The following PLXNA4 variants were observed in gnomAD, a reference collection of about 807,000 sequenced individuals.
PLXNA4 encodes the protein plexin-A4.
In PLXNA4, 44 loss-of-function variants were observed where a neutral mutation model predicts 191.8. That is an observed-to-expected ratio of 0.23 (90% CI 0.18 to 0.29). The LOEUF (loss-of-function observed/expected upper bound fraction) is 0.29, where lower values mean the gene tolerates loss of function less well. PLXNA4 is among the 10% of genes least tolerant of loss of function. The pLI, the probability that PLXNA4 is intolerant of heterozygous loss-of-function variation, is 1.00. For missense variants in PLXNA4, 1,800 were observed against 2,488.8 expected, an observed-to-expected ratio of 0.72 and a Z score of 5.89; for synonymous variants, 1,082 against 1,009.5, an observed-to-expected ratio of 1.07 and a Z score of -1.36.
At chr7:132,618,615 C>T (rs1358902936) in intron 2 of PLXNA4, among the ~76,000 whole-genome samples, 1 of 152,302 alleles carries the variant, frequency 6.6e-6, no homozygotes, top group Middle Eastern at 3.4e-3. Flanking sequence ...AGGCCAGGCT[C>T]ATTCAGGCCA....
intron 3 of PLXNA4, among the ~76,000 whole-genome samples, chr7:132,339,371 A>C (rs1284625054): frequency 6.6e-6 from 1 of 152,198 alleles, no homozygotes; most frequent in Non-Finnish European, 1.5e-5. Context: ...GACTACATGA[A>C]AGTTTATCTC....
At chr7:132,458,106 C>T (rs572406351) in intron 3 of PLXNA4, among the ~76,000 whole-genome samples, 14 of 152,166 alleles carry the variant, frequency 9.2e-5, no homozygotes, top group East Asian at 5.8e-4. Context: ...ACTCATTGGG[C>T]GAATATACCC....
At chr7:132,446,298 T>A (rs1795910105) in intron 3 of PLXNA4, among the ~76,000 whole-genome samples, 1 of 152,204 alleles carries the variant, frequency 6.6e-6, no homozygotes, top group South Asian at 2.1e-4. Flanking sequence ...TTATACTTCT[T>A]TTTGTCACCT....
intron 31 of PLXNA4, among the ~76,000 whole-genome samples, chr7:132,131,081 T>A (rs1035170053): frequency 2.0e-5 from 3 of 152,190 alleles, no homozygotes; most frequent in Non-Finnish European, 4.4e-5. Context: ...TCATTTGTTT[T>A]CACTTTGCCT....
intron 4 of PLXNA4, among the ~76,000 whole-genome samples, chr7:132,253,723 C>T (rs575175229): frequency 3.5e-4 from 53 of 152,198 alleles, no homozygotes; most frequent in Non-Finnish European, 7.4e-4. Flanking sequence ...GTGGGAAAGT[C>T]ATTGTTTGGC....
rs1026138457 is a variant in PLXNA4, at chr7:132,516,667, C to T, written c.-86-7888G>A. The stretch of plus-strand genomic sequence containing the variant: ...GATAGATACATTCCAGAGCAAAAAA[C>T]AGTGTCCCTGCCAGGAGTGGTGACT... On this transcript the variant is annotated intron_variant, in intron 1 of 31. Coordinates refer to ENST00000321063, the MANE Select transcript of PLXNA4 (RefSeq NM_020911.2). 5.3e-4 allele frequency among the ~76,000 whole-genome samples: 80 copies of T among 152,156 alleles called. 1 individual carries two copies. The highest frequency in any genetic ancestry group is 1.8e-3 in the African/African-American group (76 of 41,442).
intron 3 of PLXNA4, among the ~76,000 whole-genome samples, chr7:132,479,910 G>C (rs963742643): frequency 6.6e-6 from 1 of 152,030 alleles, no homozygotes; most frequent in Admixed American, 6.6e-5. Context: ...CACCCTCCTC[G>C]GCCTCCCAAA....
chr7:132,152,043 G>A (rs528130497), intron 25 of PLXNA4, among the ~76,000 whole-genome samples: 1 of 152,128 alleles, frequency 6.6e-6, no homozygotes, highest in South Asian at 2.1e-4. Context: ...TTTTCCCTAG[G>A]CTCATCACGG....
intron 25 of PLXNA4, among the ~76,000 whole-genome samples, chr7:132,153,911 C>T (rs1179891697): frequency 6.6e-6 from 1 of 152,160 alleles, no homozygotes; most frequent in Admixed American, 6.5e-5. Context: ...TTCCAGTCTT[C>T]CTATCATCAT....
At chr7:132,152,504 T>C (rs180999316) in intron 25 of PLXNA4, among the ~76,000 whole-genome samples, 1 of 152,232 alleles carries the variant, frequency 6.6e-6, no homozygotes, top group African/African-American at 2.4e-5. Flanking sequence ...AGAACCCAGG[T>C]CCCCCAGTGC....
rs187250746 is a variant in PLXNA4, at chr7:132,201,374, G to T, written c.2586+1272C>A. ...AGTTGTTTGGACTGACAAGGTAAGG[G>T]GTGTAAAGGTGTGGTGCAACTATTA... On this transcript the variant is annotated intron_variant, in intron 12 of 31. Transcript: ENST00000321063. Among the ~76,000 whole-genome samples, 140 of 152,284 alleles carry T rather than the reference G, an allele frequency of 9.2e-4. 1 individual carries two copies. The highest frequency in any genetic ancestry group is 3.2e-3 in the African/African-American group (133 of 41,544).
intron 1 of PLXNA4, among the ~76,000 whole-genome samples, chr7:132,566,585 T>C (rs1801734496): frequency 6.6e-6 from 1 of 152,210 alleles, no homozygotes; most frequent in Admixed American, 6.5e-5. Flanking sequence ...TTGTCAGTTA[T>C]ATTGAAGCCT....
intron 2 of PLXNA4, among the ~76,000 whole-genome samples, chr7:132,492,352 G>A (rs1258892718): frequency 1.3e-5 from 2 of 152,150 alleles, no homozygotes; most frequent in African/African-American, 2.4e-5. Flanking sequence ...GACATCAACA[G>A]CCACGTACAA....
intron 3 of PLXNA4, chr7:132,384,347 A>G (rs1805026160): frequency 3.0e-6 from 3 of 985,414 alleles, no homozygotes; most frequent in Non-Finnish European, 3.6e-6. Context: ...TTTATTTCCC[A>G]GTAAGCTAGT....
At chr7:132,347,215 A>C (rs1348387683) in intron 3 of PLXNA4, among the ~76,000 whole-genome samples, 1 of 152,212 alleles carries the variant, frequency 6.6e-6, no homozygotes, top group East Asian at 1.9e-4. Context: ...CCCCCAAAAA[A>C]GGAGACACAG....
chr7:132,143,767 A>C (rs1292726406), intron 29 of PLXNA4, among the ~76,000 whole-genome samples: 1 of 152,158 alleles, frequency 6.6e-6, no homozygotes, highest in African/African-American at 2.4e-5. Flanking sequence ...TCGCATCACA[A>C]AGTTTTGCTA....
intron 2 of PLXNA4, among the ~76,000 whole-genome samples, chr7:132,608,626 C>T (rs1253624009): frequency 2.0e-5 from 3 of 152,254 alleles, no homozygotes; most frequent in Non-Finnish European, 2.9e-5. Flanking sequence ...AGTCTCTCCT[C>T]TCATGGAGAC....
intron 2 of PLXNA4, among the ~76,000 whole-genome samples, chr7:132,606,907 G>A (rs555711332): frequency 6.6e-6 from 1 of 152,306 alleles, no homozygotes; most frequent in South Asian, 2.1e-4. Flanking sequence ...CTGGAATTTA[G>A]CCAAACAAAA....
chr7:132,229,799 G>A (rs1204546874), intron 5 of PLXNA4, among the ~76,000 whole-genome samples: 1 of 152,038 alleles, frequency 6.6e-6, no homozygotes, highest in Non-Finnish European at 1.5e-5. Context: ...AGACAGGTGT[G>A]GTGTGGGGCA....
Sources: gnomAD v4.1 joint callset for allele counts (sites outside exome capture counted in the v4.1 genomes callset) on GRCh38, gnomAD v4.1.1 for gene constraint, MANE v1.5 for transcripts, NCBI Gene and HGNC (gene_info 2026-07-23, HGNC 2026-07-21) for gene names.